ARHGAP24: variants seen among roughly 807,000 people sequenced by gnomAD.
The protein encoded by ARHGAP24 is rho GTPase-activating protein 24.
In ARHGAP24, 50 loss-of-function variants were observed where a neutral mutation model predicts 76.4. That is an observed-to-expected ratio of 0.65 (90% CI 0.52 to 0.83). ARHGAP24 has a LOEUF of 0.83. ARHGAP24 is among the 40% of genes least tolerant of loss of function. ARHGAP24 has a pLI of 0.00. For missense variants in ARHGAP24, 930 were observed against 914.2 expected, an observed-to-expected ratio of 1.02 and a Z score of -0.22; for synonymous variants, 345 against 323.3, an observed-to-expected ratio of 1.07 and a Z score of -0.72.
intron 3 of ARHGAP24, among the ~76,000 whole-genome samples, chr4:85,769,042 A>C (rs1036589415): frequency 1.3e-5 from 2 of 152,208 alleles, no homozygotes; most frequent in Admixed American, 6.5e-5. Flanking sequence ...TTAATGGTCA[A>C]ATAGTGATGA....
chr4:85,731,031 G>T lies in ARHGAP24; in HGVS notation c.268+9059G>T, dbSNP rs73833403. Among the ~76,000 whole-genome samples, 4 of 143,262 alleles carry T rather than the reference G, an allele frequency of 2.8e-5. No individual in the cohort carries two copies. In the South Asian group the frequency reaches 9.2e-4, roughly 33 times the overall value. The allele number at this position is 143,262 out of a possible 152,430, so 94.0% of individuals were successfully genotyped here. A position where few individuals can be genotyped will look rare whatever the true frequency, so the allele number is the denominator to read the frequency against. The stretch of plus-strand genomic sequence containing the variant: ...ACACACACACACACACACACACAGA[G>T]AGAGAGACTGGGCATGTGTGTGTGT... On this transcript the variant is annotated intron_variant, in intron 3 of 9. Coordinates refer to ENST00000395184, the MANE Select transcript of ARHGAP24 (RefSeq NM_001025616.3).
intron 8 of ARHGAP24, among the ~76,000 whole-genome samples, chr4:85,982,357 A>G (rs1316336433): frequency 1.5e-5 from 1 of 64,566 alleles, no homozygotes; most frequent in African/African-American, 6.6e-5. Flanking sequence ...GGATAGGTGC[A>G]CAAGTAGATA....
intron 1 of ARHGAP24, among the ~76,000 whole-genome samples, chr4:85,520,546 T>A (rs1724698778): frequency 6.6e-6 from 1 of 152,130 alleles, no homozygotes; most frequent in East Asian, 1.9e-4. Flanking sequence ...TTTACAAATG[T>A]GGGCAATGAT....
intron 3 of ARHGAP24, among the ~76,000 whole-genome samples, chr4:85,780,052 C>A (rs1208994136): frequency 2.0e-5 from 3 of 152,140 alleles, no homozygotes; most frequent in Admixed American, 6.5e-5. Context: ...CCCTTAATTT[C>A]TCAGTATTAC....
chr4:85,653,245 C>T (rs1385302081), intron 2 of ARHGAP24, among the ~76,000 whole-genome samples: 30 of 151,942 alleles, frequency 2.0e-4, no homozygotes, highest in East Asian at 3.9e-4. Context: ...TTCTAGCTGG[C>T]GAGGTTATTT....
chr4:85,984,467 T>C (rs1739864478), intron 8 of ARHGAP24, among the ~76,000 whole-genome samples: 2 of 152,168 alleles, frequency 1.3e-5, no homozygotes, highest in Admixed American at 1.3e-4. Context: ...CTGGGATCTC[T>C]TTTATGCTCG....
At chr4:85,628,525 G>A (rs866305516) in intron 2 of ARHGAP24, among the ~76,000 whole-genome samples, 1 of 152,094 alleles carries the variant, frequency 6.6e-6, no homozygotes, top group South Asian at 2.1e-4. Context: ...TTTTATCTGT[G>A]GCGGTGTTCA....
At chr4:85,624,906 G>A (rs114370645) in intron 2 of ARHGAP24, among the ~76,000 whole-genome samples, 50,060 of 152,086 alleles carry the variant, frequency 0.33, 9,291 homozygotes, top group East Asian at 0.84. Flanking sequence ...ATTTCTGTGG[G>A]ATCGTGGTGA....
intron 2 of ARHGAP24, among the ~76,000 whole-genome samples, chr4:85,682,720 C>T (rs1723252881): frequency 6.6e-6 from 1 of 152,188 alleles, no homozygotes; most frequent in South Asian, 2.1e-4. Context: ...AAGCATATTG[C>T]AAGCTCCTCC....
chr4:85,570,718 C>T lies in ARHGAP24; in HGVS notation c.177C>T (p.Pro59=), dbSNP rs754661504. The part of the protein sequence containing the change: ...YYFKDEDETK[P]LGTIFLPGNK... Reference sequence around the variant, plus strand: ...TCAAAGATGAAGATGAAACCAAGCCCTTGGTGAGTAGGAGAAAATGTAAAG... The same window carrying T: ...TCAAAGATGAAGATGAAACCAAGCCTTTGGTGAGTAGGAGAAAATGTAAAG... The change falls in exon 2 of 10, where the codon CCC becomes CCT. Residue 59 remains proline (P), a synonymous_variant. Coordinates refer to ENST00000395184, the MANE Select transcript of ARHGAP24 (RefSeq NM_001025616.3). The T allele has an allele frequency of 6.2e-7, 1 of 1,613,984 alleles. No individual in the cohort carries two copies. Among genetic ancestry groups the T allele is most frequent in the Non-Finnish European group, 8.5e-7 (1 of 1,179,950 alleles).
In ARHGAP24 at chr4:85,789,607, G is replaced by A. The variant is rs181916214; in HGVS notation, c.268+67635G>A. 4.4e-3 allele frequency among the ~76,000 whole-genome samples: 676 copies of A among 152,288 alleles called. 4 individuals are homozygous for A. The highest frequency in any genetic ancestry group is 5.4e-3 in the Non-Finnish European group (370 of 68,022). On this transcript the variant is annotated intron_variant, in intron 3 of 9. Coordinates refer to ENST00000395184, the MANE Select transcript of ARHGAP24 (RefSeq NM_001025616.3). ...GAGAGCCAAGTGGTAGTACAGAAAA[G>A]CGTATTATATTGCAAACCTATAGAG...
chr4:85,526,229 G>A (rs182192979), intron 1 of ARHGAP24, among the ~76,000 whole-genome samples: 52 of 151,896 alleles, frequency 3.4e-4, no homozygotes, highest in African/African-American at 1.2e-3. Flanking sequence ...GGACAACGTG[G>A]CAAAACTCCG....
chr4:85,507,765 G>T (rs1391956120), intron 1 of ARHGAP24, among the ~76,000 whole-genome samples: 2 of 152,162 alleles, frequency 1.3e-5, no homozygotes, highest in South Asian at 2.1e-4. Context: ...ATTATTACTT[G>T]TAGGGACAGG....
At chr4:85,828,754 TGGG>T (rs1729846503) in intron 3 of ARHGAP24, among the ~76,000 whole-genome samples, 1 of 152,156 alleles carries the variant, frequency 6.6e-6, no homozygotes, top group Admixed American at 6.5e-5. Flanking sequence ...ATCATGCTCT[TGGG>T]TTAACAGACC....
chr4:85,666,059 G>T (rs1179805596), intron 2 of ARHGAP24, among the ~76,000 whole-genome samples: 1 of 152,062 alleles, frequency 6.6e-6, no homozygotes, highest in Non-Finnish European at 1.5e-5. Context: ...CTGAATTTTG[G>T]CCTGCCTTGC....
chr4:85,800,439 A>G (rs1395096196), intron 3 of ARHGAP24, among the ~76,000 whole-genome samples: 1 of 152,104 alleles, frequency 6.6e-6, no homozygotes, highest in Non-Finnish European at 1.5e-5. Context: ...ATAGGGCCCA[A>G]ATGGTAAAAT....
intron 2 of ARHGAP24, among the ~76,000 whole-genome samples, chr4:85,587,556 T>C (rs1727912878): frequency 6.6e-6 from 1 of 152,242 alleles, no homozygotes; most frequent in African/African-American, 2.4e-5. Flanking sequence ...GTTGATATAT[T>C]ATTTTATTAC....
rs1216508754 is a variant in ARHGAP24, at chr4:85,995,601, C to T, written c.1947C>T (p.Ser649=). 2 of 1,613,906 alleles carry T rather than the reference C, an allele frequency of 1.2e-6. No individual in the cohort carries two copies. Among genetic ancestry groups the T allele is most frequent in the Non-Finnish European group, 8.5e-7 (1 of 1,179,972 alleles). The change falls in exon 9 of 10, where the codon TCC becomes TCT. Residue 649 remains serine, a synonymous_variant. Transcript: ENST00000395184. ...ACAGTGCACTGCACAGTTTAGTTTC[C>T]AGCCTGAAACAGGAAATGACCAAAC... ...SNHSALHSLV[S]SLKQEMTKQK...
At chr4:85,941,416 C>T (rs1578413093) in intron 4 of ARHGAP24, among the ~76,000 whole-genome samples, 1 of 152,184 alleles carries the variant, frequency 6.6e-6, no homozygotes, top group Admixed American at 6.5e-5. Flanking sequence ...CCTGTTAGGG[C>T]AAGCCACTGT....
Sources: allele counts gnomAD v4.1 joint callset (sites outside exome capture counted in the v4.1 genomes callset), GRCh38; gene constraint gnomAD v4.1.1; transcripts MANE v1.5; gene names NCBI Gene and HGNC (gene_info 2026-07-23, HGNC 2026-07-21).